Variants in DSC3 observed in about 807,000 individuals in gnomAD.
DSC3 encodes the protein desmocollin 3.
A neutral mutation model predicts 89.5 loss-of-function variants in DSC3; 97 were observed. That is an observed-to-expected ratio of 1.08 (90% CI 0.92 to 1.28). DSC3 has a LOEUF of 1.28. Among genes scored for constraint, DSC3 ranks in the 50% most tolerant of loss-of-function variants. The pLI is 0.00. For missense variants in DSC3, 1,199 were observed against 1,085.3 expected, an observed-to-expected ratio of 1.10 and a Z score of -1.47; for synonymous variants, 436 against 384.1, an observed-to-expected ratio of 1.14 and a Z score of -1.58.
At chr18:31,000,560 A>G (rs765199656) in intron 14 of DSC3, among the ~76,000 whole-genome samples, 30 of 152,134 alleles carry the variant, frequency 2.0e-4, no homozygotes, top group Non-Finnish European at 3.7e-4. Context: ...TTGTTTCTTA[A>G]TATTCTCTTC....
At position 30,992,511 on chromosome 18, in the gene DSC3, C is replaced by T. The variant is rs1984302063; in HGVS notation, c.*1664G>A. 1 of 152,190 alleles carries T rather than the reference C, an allele frequency of 6.6e-6. No individual in the cohort carries two copies. The highest frequency in any genetic ancestry group is 2.1e-4 in the South Asian group (1 of 4,832). The allele number at this position is 152,190 out of a possible 1,614,324, so 9.4% of individuals were successfully genotyped here. ...GACTCAAATGGCAGTTGCCATTGGC[C>T]TGAGAAAGGAAAAGGCAGTGCCAAG... On this transcript the variant is annotated 3_prime_UTR_variant, in exon 16 of 16. Transcript: ENST00000360428.
intron 1 of DSC3, 140 bp downstream of exon 1, chr18:31,042,452 G>A (rs1986165033): frequency 3.5e-6 from 3 of 845,480 alleles, no homozygotes; most frequent in East Asian, 2.7e-5. Flanking sequence ...GCCCGAACTT[G>A]GGGCTGCTAC....
rs1984504028 is a variant in DSC3 at position 30,997,141 on chromosome 18, T to A, written c.2236-93A>T. ...AGGAGAGAGAATATTTGTTCAACCT[T>A]TTATTCATTCATTCATTCATTCATT... On this transcript the variant is annotated intron_variant, in intron 14 of 15. Coordinates refer to ENST00000360428, the MANE Select transcript of DSC3 (RefSeq NM_001941.5). The A allele has an allele frequency of 1.5e-5, 22 of 1,447,346 alleles. 1 individual carries two copies. The South Asian group carries it at 2.5e-4, about 16-fold the overall frequency. The allele number at this position is 1,447,346 out of a possible 1,614,324, so 89.7% of individuals were successfully genotyped here.
At position 31,030,952 on chromosome 18, in the gene DSC3, T is replaced by C. The variant is rs371914224; in HGVS notation, c.354+21A>G. ...ATTTTAATGAAAAAATGACTGAAAA[T>C]ATTTAATGTACTTTAAATACCTTCT... is the stretch of plus-strand genomic sequence containing the variant. On this transcript the variant is annotated intron_variant, in intron 3 of 15. Transcript: ENST00000360428. 6.8e-4 allele frequency: 1,089 copies of C among 1,604,566 alleles called. 2 individuals carry two copies. Among genetic ancestry groups the C allele is most frequent in the Non-Finnish European group, 9.0e-4 (1,050 of 1,171,898 alleles).
Position 31,013,098 on chromosome 18 carries a change from T to C in DSC3, c.1264-4573A>G, listed in dbSNP as rs141083342. 8.0e-3 allele frequency among the ~76,000 whole-genome samples: 1,223 copies of C among 152,302 alleles called. 16 individuals carry two copies. Among genetic ancestry groups the C allele is most frequent in the African/African-American group, 0.028 (1,176 of 41,570 alleles). On this transcript the variant is annotated intron_variant, in intron 9 of 15. Transcript: ENST00000360428. ...ACTGCAAATACTAAAATGCATATTA[T>C]ACATTTGATATTCTTAAATAGCTAG... is the stretch of plus-strand genomic sequence containing the variant.
intron 9 of DSC3, among the ~76,000 whole-genome samples, chr18:31,010,730 A>G (rs1044631479): frequency 4.6e-5 from 7 of 152,150 alleles, no homozygotes; most frequent in African/African-American, 1.7e-4. Context: ...CTCCATGTTG[A>G]GAAGGACCAA....
intron 9 of DSC3, among the ~76,000 whole-genome samples, chr18:31,013,334 G>GGATA (rs74277375): frequency 0.5 from 76,201 of 151,298 alleles, 19,991 homozygotes; most frequent in East Asian, 0.89. Flanking sequence ...AAATTTAACT[G>GGATA]GATAGATAAT....
chr18:31,018,590 T>G, intron 8 of DSC3, 76 bp downstream of exon 8: 1 of 1,455,680 alleles, frequency 6.9e-7, no homozygotes, highest in Non-Finnish European at 9.6e-7. Context: ...TCATGAAGTA[T>G]TAATTTTATT....
At position 30,992,289 on chromosome 18, in the gene DSC3, T is replaced by C. The variant is rs1984290212; in HGVS notation, c.*1886A>G. The C allele has an allele frequency of 6.6e-6, 1 of 151,626 alleles. No individual in the cohort carries two copies. Among genetic ancestry groups the C allele is most frequent in the Admixed American group, 6.6e-5 (1 of 15,238 alleles). 9.4% of individuals were successfully genotyped at this position (151,626 alleles called of 1,614,324 possible). ...GAATTTTAGATAGGCATTTAATTCA[T>C]AGACCTTCTTAGTGCCCAGAAGGAG... On this transcript the variant is annotated 3_prime_UTR_variant, in exon 16 of 16. Coordinates refer to ENST00000360428, the MANE Select transcript of DSC3 (RefSeq NM_001941.5).
At chr18:30,999,283 T>A (rs1984575395) in intron 14 of DSC3, among the ~76,000 whole-genome samples, 1 of 152,144 alleles carries the variant, frequency 6.6e-6, no homozygotes, top group South Asian at 2.1e-4. Flanking sequence ...CAAATACAGA[T>A]GATTTATTGA....
rs182937193 is a variant in DSC3 at position 31,034,805 on chromosome 18, C to T, written c.70-2529G>A. On this transcript the variant is annotated intron_variant, in intron 1 of 15. Transcript: ENST00000360428. ...AATATACAGGAACAAAGTAAATTTC[C>T]ATGGGAAGTGGTTGTAAATGGGTAT... is the stretch of plus-strand genomic sequence containing the variant. 7.2e-5 allele frequency among the ~76,000 whole-genome samples: 11 copies of T among 152,084 alleles called. No individual in the cohort carries two copies. In the East Asian group the frequency reaches 2.1e-3, roughly 29 times the overall value.
intron 4 of DSC3, 65 bp downstream of exon 4, chr18:31,029,444 T>A (rs1048730242): frequency 7.5e-6 from 12 of 1,590,178 alleles, no homozygotes; most frequent in Non-Finnish European, 1.0e-5. Flanking sequence ...TAAAGAGGTA[T>A]TAAATCTCAA....
intron 4 of DSC3, among the ~76,000 whole-genome samples, chr18:31,026,218 T>C (rs1014759882): frequency 6.6e-6 from 1 of 152,056 alleles, no homozygotes; most frequent in Non-Finnish European, 1.5e-5. Flanking sequence ...AACAGGCTGG[T>C]GTTTTACCTA....
At chr18:31,024,228 T>A in intron 6 of DSC3, 121 bp downstream of exon 6, 1 of 917,310 alleles carries the variant, frequency 1.1e-6, no homozygotes, top group East Asian at 2.8e-5. Flanking sequence ...TTCTGGTAAG[T>A]AGATTCTAGT....
chr18:31,035,452 T>TA (rs1226214706), intron 1 of DSC3, among the ~76,000 whole-genome samples: 3 of 151,624 alleles, frequency 2.0e-5, no homozygotes, highest in South Asian at 2.1e-4. Flanking sequence ...ATTTGCCCTT[T>TA]AAAAAAAACA....
intron 4 of DSC3, among the ~76,000 whole-genome samples, chr18:31,028,055 T>C (rs1259343330): frequency 6.6e-6 from 1 of 152,068 alleles, no homozygotes; most frequent in Non-Finnish European, 1.5e-5. Flanking sequence ...ATCAATTAGA[T>C]AGTTTGGGCT....
chr18:31,035,259 G>A (rs187271847), intron 1 of DSC3, among the ~76,000 whole-genome samples: 4 of 151,560 alleles, frequency 2.6e-5, no homozygotes, highest in Non-Finnish European at 4.4e-5. Flanking sequence ...TAAAATTATC[G>A]TACTTCTCAA....
chr18:30,996,838 A>G lies in DSC3; in HGVS notation c.2446T>C (p.Tyr816His). ...AAACTGTGCCACTCCGAGTAAGTGT[A>G]TCTGCAGTTGTCCACCTCCGTGTGT... The part of the protein sequence containing the change: ...GGHTEVDNCR[Y>H]TYSEWHSFTQ... Residue 816 changes from tyrosine to histidine, a missense_variant, in exon 15 of 16, where the codon TAC becomes CAC. Coordinates refer to ENST00000360428, the MANE Select transcript of DSC3 (RefSeq NM_001941.5). 1 of 1,613,326 alleles carries G rather than the reference A, an allele frequency of 6.2e-7. No individual in the cohort carries two copies.
At chr18:31,007,687 G>T (rs906507946) in intron 11 of DSC3, among the ~76,000 whole-genome samples, 1 of 152,126 alleles carries the variant, frequency 6.6e-6, no homozygotes, top group Admixed American at 6.5e-5. Flanking sequence ...CTATATAAAA[G>T]CTCAATTTAA....
Sources: allele counts gnomAD v4.1 joint callset (sites outside exome capture counted in the v4.1 genomes callset), GRCh38; gene constraint gnomAD v4.1.1; transcripts MANE v1.5; gene names NCBI Gene and HGNC (gene_info 2026-07-23, HGNC 2026-07-21).